POLN: variants seen among roughly 807,000 people sequenced by gnomAD.
POLN encodes DNA polymerase nu, also known as DNA polymerase N.
Under a neutral mutation model 113.5 loss-of-function variants are expected in POLN, and 108 were observed. That is an observed-to-expected ratio of 0.95 (90% CI 0.81 to 1.12). The LOEUF (loss-of-function observed/expected upper bound fraction) is 1.12, where lower values mean the gene tolerates loss of function less well. Among genes scored for constraint, POLN ranks in the 50% most tolerant of loss-of-function variants. POLN has a pLI of 0.00. For synonymous variants in POLN, 386 were observed against 391.5 expected, an observed-to-expected ratio of 0.99 and a Z score of 0.17; for missense variants, 1,097 against 1,077.1, an observed-to-expected ratio of 1.02 and a Z score of -0.26.
intron 7 of POLN, among the ~76,000 whole-genome samples, chr4:2,183,380 C>G (rs1310168484): frequency 6.6e-6 from 1 of 152,078 alleles, no homozygotes; most frequent in Non-Finnish European, 1.5e-5. Context: ...ATCATAACAG[C>G]TAAAAGTGAA....
chr4:2,184,185 C>A (rs1733215669), intron 7 of POLN, among the ~76,000 whole-genome samples: 1 of 139,200 alleles, frequency 7.2e-6, no homozygotes, highest in African/African-American at 2.7e-5. Flanking sequence ...AGGGTACATA[C>A]ATATCTTGCA....
At position 2,173,974 on chromosome 4, in the gene POLN, T is replaced by C. The variant is rs1159289570; in HGVS notation, c.1355A>G (p.Lys452Arg). Residue 452 changes from lysine (K) to arginine (R), a missense_variant, in exon 11 of 26, where the codon AAG (lysine) becomes AGG (arginine). Coordinates refer to ENST00000511885, the MANE Select transcript of POLN (RefSeq NM_181808.4). ...ACTTACCCCAAGAAGTGCTGACGTC[T>C]TCTCCATCTCCTCTTTGTTCACCTG... ...AIQVNKEEME[K>R]TSALLGARLK... The C allele has an allele frequency of 6.2e-7, 1 of 1,614,068 alleles. No homozygotes were observed. The highest frequency in any genetic ancestry group is 8.5e-7 in the Non-Finnish European group (1 of 1,180,008).
chr4:2,136,713 G>T (rs1214158105), intron 16 of POLN, among the ~76,000 whole-genome samples: 1 of 152,232 alleles, frequency 6.6e-6, no homozygotes, highest in Non-Finnish European at 1.5e-5. Context: ...TGAGCCCGTT[G>T]CTTTTCTCCC....
At chr4:2,178,913 G>A (rs1003919995) in intron 8 of POLN, among the ~76,000 whole-genome samples, 4 of 152,048 alleles carry the variant, frequency 2.6e-5, no homozygotes, top group South Asian at 2.1e-4. Flanking sequence ...CACCCAGCCC[G>A]AGACCCAGGG....
At chr4:2,104,961 T>C (rs577703399) in intron 19 of POLN, among the ~76,000 whole-genome samples, 4 of 152,294 alleles carry the variant, frequency 2.6e-5, no homozygotes, top group Admixed American at 1.3e-4. Flanking sequence ...GGCACACACA[T>C]GCACACAGTC....
intron 7 of POLN, among the ~76,000 whole-genome samples, chr4:2,187,461 C>G (rs938702682): frequency 6.6e-6 from 1 of 152,122 alleles, no homozygotes; most frequent in African/African-American, 2.4e-5. Flanking sequence ...CCAGGCTGGT[C>G]TCGAACTCCT....
chr4:2,120,516 C>T (rs901943788), intron 19 of POLN, among the ~76,000 whole-genome samples: 2 of 150,682 alleles, frequency 1.3e-5, no homozygotes, highest in African/African-American at 4.9e-5. Context: ...TTTTTTGAGA[C>T]AGAGTCTCGC....
At chr4:2,221,341 G>C (rs971887928) in intron 3 of POLN, among the ~76,000 whole-genome samples, 33 of 151,998 alleles carry the variant, frequency 2.2e-4, no homozygotes, top group African/African-American at 7.7e-4. Context: ...ATAAAATCTT[G>C]GGAATCCCAA....
In POLN at chr4:2,165,658, C is replaced by T. The variant is rs531138926; in HGVS notation, c.1554+5021G>A. Among the ~76,000 whole-genome samples, 416 of 152,130 alleles carry T rather than the reference C, an allele frequency of 2.7e-3. 1 individual carries two copies. Among genetic ancestry groups the T allele is most frequent in the Non-Finnish European group, 5.2e-3 (354 of 68,012 alleles). On this transcript the variant is annotated intron_variant, in intron 13 of 25. Coordinates refer to ENST00000511885, the MANE Select transcript of POLN (RefSeq NM_181808.4). Reference sequence around the variant, plus strand: ...GACTGTAACGATGGTACCATTCTGTCGAGGATGTTGATAGAGGGGGAGCCT... The same window carrying T: ...GACTGTAACGATGGTACCATTCTGTTGAGGATGTTGATAGAGGGGGAGCCT...
chr4:2,202,241 T>C (rs918573491), intron 5 of POLN, among the ~76,000 whole-genome samples: 1 of 152,170 alleles, frequency 6.6e-6, no homozygotes, highest in South Asian at 2.1e-4. Context: ...ACTTAAAAGA[T>C]ACAGAATTGC....
chr4:2,082,583 G>C (rs183898619), intron 21 of POLN: 8 of 152,328 alleles, frequency 5.3e-5, no homozygotes, highest in African/African-American at 1.4e-4. Context: ...CTTTAACTAG[G>C]TGTGGGTGGG....
At chr4:2,162,737 A>G (rs2108743187) in intron 13 of POLN, among the ~76,000 whole-genome samples, 1 of 151,074 alleles carries the variant, frequency 6.6e-6, no homozygotes, top group East Asian at 1.9e-4. Flanking sequence ...AATTACAGGC[A>G]TGAGCCACCA....
chr4:2,235,581 G>T (rs974690674), intron 2 of POLN, among the ~76,000 whole-genome samples: 1 of 152,122 alleles, frequency 6.6e-6, no homozygotes, highest in African/African-American at 2.4e-5. Flanking sequence ...ATAGCTTTAC[G>T]TGTATCAACA....
chr4:2,125,993 G>A lies in POLN; in HGVS notation c.1982+2120C>T, dbSNP rs74917592. ...CATGTGAAAGGACAGGGTCACAGAG[G>A]GTAAGGTGCAGGGTCTAAGGAGGAG... On this transcript the variant is annotated intron_variant, in intron 19 of 25. Transcript: ENST00000511885. Among the ~76,000 whole-genome samples the A allele has an allele frequency of 1.5e-3, 232 of 152,260 alleles. 5 individuals are homozygous for A. The East Asian group carries it at 0.038, about 25-fold the overall frequency.
chr4:2,113,814 T>C (rs1731254121), intron 19 of POLN, among the ~76,000 whole-genome samples: 1 of 151,110 alleles, frequency 6.6e-6, no homozygotes, highest in African/African-American at 2.4e-5. Flanking sequence ...GCTGAGATTG[T>C]GCCTTTGCGT....
At chr4:2,181,761 G>A (rs770441201) in intron 7 of POLN, among the ~76,000 whole-genome samples, 10 of 152,078 alleles carry the variant, frequency 6.6e-5, no homozygotes, top group Admixed American at 2.0e-4. Flanking sequence ...GGCAGATCAC[G>A]AGGTCAGGAG....
intron 25 of POLN, among the ~76,000 whole-genome samples, chr4:2,072,591 C>A (rs1441092802): frequency 6.6e-6 from 1 of 152,192 alleles, no homozygotes; most frequent in Non-Finnish European, 1.5e-5. Flanking sequence ...AGACAAGGTG[C>A]CCTTGGATGG....
chr4:2,080,851 G>C, intron 23 of POLN, 107 bp downstream of exon 23: 1 of 1,589,770 alleles, frequency 6.3e-7, no homozygotes, highest in Non-Finnish European at 8.6e-7. Context: ...GGGGACGGGG[G>C]CCCGATAAGC....
chr4:2,110,866 G>C (rs1184380991), intron 19 of POLN, among the ~76,000 whole-genome samples: 1 of 152,140 alleles, frequency 6.6e-6, no homozygotes, highest in Non-Finnish European at 1.5e-5. Context: ...CAGAAAAAGA[G>C]GGAATCCTCC....
Sources: gnomAD v4.1 joint callset for allele counts (sites outside exome capture counted in the v4.1 genomes callset) on GRCh38, gnomAD v4.1.1 for gene constraint, MANE v1.5 for transcripts, NCBI Gene and HGNC (gene_info 2026-07-23, HGNC 2026-07-21) for gene names.